The following SLCO3A1 variants were observed in gnomAD, a reference collection of about 807,000 sequenced individuals.
SLCO3A1 encodes PGE1 transporter.
In SLCO3A1, 27 loss-of-function variants were observed where a neutral mutation model predicts 63.1. The ratio of observed to expected loss-of-function variants is 0.43; its 90% confidence interval spans 0.32 to 0.59. The LOEUF (loss-of-function observed/expected upper bound fraction) is 0.59. SLCO3A1 is among the 20% of genes least tolerant of loss of function. The pLI is 0.09. For missense variants in SLCO3A1, 773 were observed against 945.8 expected (o/e 0.82, Z 2.40); for synonymous variants, 473 against 409.9 (o/e 1.15, Z -1.86).
At chr15:92,071,208 T>C (rs2047211790) in intron 2 of SLCO3A1, among the ~76,000 whole-genome samples, 1 of 152,066 alleles carries the variant, frequency 6.6e-6, no homozygotes, top group Non-Finnish European at 1.5e-5. Context: ...TGACCTGAGA[T>C]GGTTGAGGAG....
chr15:92,156,816 A>T (rs2048376768), intron 9 of SLCO3A1, among the ~76,000 whole-genome samples: 1 of 152,208 alleles, frequency 6.6e-6, no homozygotes, highest in Non-Finnish European at 1.5e-5. Context: ...TTTAAATGTA[A>T]GTGGCCGTAA....
intron 2 of SLCO3A1, among the ~76,000 whole-genome samples, chr15:92,029,493 G>A (rs2046619224): frequency 6.6e-6 from 1 of 152,178 alleles, no homozygotes; most frequent in Admixed American, 6.5e-5. Context: ...CAGTGCCTGG[G>A]CAAAGACTCA....
rs374017626 is a variant in SLCO3A1 at position 92,053,676 on chromosome 15, GTTT to G, written c.647-41200_647-41198del. 6.5e-3 allele frequency among the ~76,000 whole-genome samples: 346 copies of G among 53,334 alleles called. 2 individuals carry two copies. Among genetic ancestry groups the G allele is most frequent in the Middle Eastern group, 9.6e-3 (1 of 104 alleles). The allele number at this position is 53,334 out of a possible 152,430, so 35.0% of individuals were successfully genotyped here. ...TCCCTCAGTTGTGATTTTATGTTTT[GTTT>G]TTTTGTTTGTTTGTTTGTTTTTTTT... On this transcript the variant is annotated intron_variant, in intron 2 of 9. Transcript: ENST00000318445.
intron 2 of SLCO3A1, among the ~76,000 whole-genome samples, chr15:91,998,740 A>G (rs574284444): frequency 1.3e-5 from 2 of 152,366 alleles, no homozygotes; most frequent in African/African-American, 2.4e-5. Flanking sequence ...AAGATTTCTC[A>G]AAGAACTTAA....
intron 2 of SLCO3A1, among the ~76,000 whole-genome samples, chr15:91,930,788 G>A (rs1899197997): frequency 1.4e-5 from 2 of 147,982 alleles, no homozygotes; most frequent in Non-Finnish European, 3.0e-5. Flanking sequence ...ATTATCTGGT[G>A]TAATTCTCAA....
chr15:92,123,458 A>G (rs2047886767), intron 5 of SLCO3A1, among the ~76,000 whole-genome samples: 1 of 152,050 alleles, frequency 6.6e-6, no homozygotes, highest in Non-Finnish European at 1.5e-5. Flanking sequence ...CCCTATCACA[A>G]TGATATGGCC....
chr15:92,169,548 C>T (rs2048510505), downstream of SLCO3A1, among the ~76,000 whole-genome samples: 1 of 152,144 alleles, frequency 6.6e-6, no homozygotes, highest in South Asian at 2.1e-4. Context: ...AAGTATTTTA[C>T]CTGAAACAGA....
At chr15:91,994,203 C>T (rs2046162233) in intron 2 of SLCO3A1, among the ~76,000 whole-genome samples, 1 of 152,080 alleles carries the variant, frequency 6.6e-6, no homozygotes, top group East Asian at 1.9e-4. Flanking sequence ...TGTTTTAAGG[C>T]CTTTGCAAAT....
intron 1 of SLCO3A1, among the ~76,000 whole-genome samples, chr15:91,876,926 A>T (rs1597080206): frequency 6.6e-6 from 1 of 152,226 alleles, no homozygotes; most frequent in Non-Finnish European, 1.5e-5. Flanking sequence ...CTCATTACAG[A>T]TATTTGACTT....
chr15:92,141,296 A>G (rs183147140), intron 7 of SLCO3A1, among the ~76,000 whole-genome samples: 40 of 152,348 alleles, frequency 2.6e-4, no homozygotes, highest in Admixed American at 1.5e-3. Flanking sequence ...CAATTCTGCA[A>G]TCATAAACTA....
At chr15:91,934,939 C>G (rs989440378) in intron 2 of SLCO3A1, among the ~76,000 whole-genome samples, 3 of 152,046 alleles carry the variant, frequency 2.0e-5, no homozygotes, top group African/African-American at 7.3e-5. Flanking sequence ...TTGGAGGCGT[C>G]CTTCGTGAAT....
At chr15:92,152,217 A>T (rs958402119) in intron 9 of SLCO3A1, among the ~76,000 whole-genome samples, 1 of 152,260 alleles carries the variant, frequency 6.6e-6, no homozygotes, top group Non-Finnish European at 1.5e-5. Context: ...ATACCGATAT[A>T]TGAAAGAAAA....
chr15:91,891,132 G>A (rs28674176), intron 1 of SLCO3A1, among the ~76,000 whole-genome samples: 1 of 142,486 alleles, frequency 7.0e-6, no homozygotes, highest in Admixed American at 7.1e-5. Context: ...GTATTTATTG[G>A]CATTTTGGAA....
At chr15:92,076,757 T>C (rs894044789) in intron 2 of SLCO3A1, among the ~76,000 whole-genome samples, 1 of 152,180 alleles carries the variant, frequency 6.6e-6, no homozygotes, top group Non-Finnish European at 1.5e-5. Context: ...CAGAGCCCCA[T>C]CTGCCTGTAG....
At chr15:91,991,999 T>C (rs1261285916) in intron 2 of SLCO3A1, among the ~76,000 whole-genome samples, 2 of 152,228 alleles carry the variant, frequency 1.3e-5, no homozygotes, top group African/African-American at 2.4e-5. Context: ...AGAGTGATAA[T>C]TGATAGACTT....
intron 2 of SLCO3A1, among the ~76,000 whole-genome samples, chr15:91,980,133 A>T (rs1459543007): frequency 6.6e-6 from 1 of 152,146 alleles, no homozygotes; most frequent in Non-Finnish European, 1.5e-5. Context: ...TGCATTGTTA[A>T]CAAGTCCTCT....
At chr15:92,149,826 T>TTA (rs1341724102) in intron 8 of SLCO3A1, 1 of 152,260 alleles carries the variant, frequency 6.6e-6, no homozygotes, top group Non-Finnish European at 1.5e-5. Flanking sequence ...TTCTAACTCA[T>TTA]TATACCAGTG....
chr15:91,958,368 A>C (rs1268540825), intron 2 of SLCO3A1, among the ~76,000 whole-genome samples: 4 of 152,302 alleles, frequency 2.6e-5, no homozygotes, highest in Non-Finnish European at 4.4e-5. Context: ...TCTGGATCCC[A>C]CACTCACTCA....
At chr15:92,084,963 C>T (rs554166424) in intron 2 of SLCO3A1, among the ~76,000 whole-genome samples, 1 of 152,314 alleles carries the variant, frequency 6.6e-6, no homozygotes, top group East Asian at 1.9e-4. Flanking sequence ...ATGGAGTCTT[C>T]CTCTTGGAGC....
Sources: gnomAD v4.1 joint callset for allele counts (sites outside exome capture counted in the v4.1 genomes callset) on GRCh38, gnomAD v4.1.1 for gene constraint, MANE v1.5 for transcripts, NCBI Gene and HGNC (gene_info 2026-07-23, HGNC 2026-07-21) for gene names.